Variants in KCTD8 observed in about 807,000 individuals in gnomAD.
The protein encoded by KCTD8 is potassium channel tetramerization domain containing 8.
KCTD8 carries 27 observed loss-of-function variants against 31.5 expected under a neutral mutation model. The ratio of observed to expected loss-of-function variants is 0.86; its 90% CI spans 0.63 to 1.18. The LOEUF (loss-of-function observed/expected upper bound fraction) is 1.18. KCTD8 is among the 50% of genes most tolerant of loss of function. The pLI, the probability that KCTD8 is intolerant of heterozygous loss-of-function variation, is 0.00. For synonymous variants in KCTD8, 290 were observed against 280.0 expected (o/e 1.04, Z -0.36); for missense variants, 658 against 647.7 (o/e 1.02, Z -0.17).
chr4:44,423,612 C>A (rs566105485), intron 1 of KCTD8, among the ~76,000 whole-genome samples: 1 of 151,828 alleles, frequency 6.6e-6, no homozygotes, highest in East Asian at 1.9e-4. Context: ...AAAAGCAAAC[C>A]CAGAATTCTA....
At chr4:44,411,577 T>C (rs1720958157) in intron 1 of KCTD8, among the ~76,000 whole-genome samples, 1 of 152,162 alleles carries the variant, frequency 6.6e-6, no homozygotes, top group Admixed American at 6.6e-5. Context: ...TGAAGAATTT[T>C]GTCTCCCCAA....
rs913085406 is a variant in KCTD8, at chr4:44,265,208, G to A, written c.962-89958C>T. Among the ~76,000 whole-genome samples the A allele has an allele frequency of 2.0e-5, 3 of 152,116 alleles. 1 individual carries two copies. The highest frequency in any genetic ancestry group is 2.9e-5 in the Non-Finnish European group (2 of 68,022). Reference sequence around the variant, plus strand: ...TCTGAGACAAAACTTCCAGAGGAACGATCAGACAGCAGCATTCACGGTTCA... The same window carrying A: ...TCTGAGACAAAACTTCCAGAGGAACAATCAGACAGCAGCATTCACGGTTCA... On this transcript the variant is annotated intron_variant, in intron 1 of 1. Coordinates refer to ENST00000360029, the MANE Select transcript of KCTD8 (RefSeq NM_198353.3).
At chr4:44,260,434 A>G (rs1716128902) in intron 1 of KCTD8, among the ~76,000 whole-genome samples, 1 of 152,004 alleles carries the variant, frequency 6.6e-6, no homozygotes, top group Non-Finnish European at 1.5e-5. Context: ...ACAAAAGTAT[A>G]TAAAATATAA....
At chr4:44,336,791 A>G (rs1028461001) in intron 1 of KCTD8, among the ~76,000 whole-genome samples, 13 of 152,116 alleles carry the variant, frequency 8.5e-5, no homozygotes, top group African/African-American at 3.1e-4. Flanking sequence ...TGATATCTAC[A>G]TACCTTTATT....
rs554568971 is a variant in KCTD8, at chr4:44,181,360, C to T, written c.962-6110G>A. Among the ~76,000 whole-genome samples, 7 of 152,316 alleles carry T rather than the reference C, an allele frequency of 4.6e-5. No homozygotes were observed. The East Asian group carries it at 1.4e-3, about 30-fold the overall frequency. On this transcript the variant is annotated intron_variant, in intron 1 of 1. Coordinates refer to ENST00000360029, the MANE Select transcript of KCTD8 (RefSeq NM_198353.3). ...CAACCTCCCTGCCTGGTTCTCCTGC[C>T]TCAGCCTGCCGAGTGCCTGCGATTG...
Position 44,174,736 on chromosome 4 carries a change from G to T in KCTD8, c.*54C>A. On this transcript the variant is annotated 3_prime_UTR_variant, in exon 2 of 2. Coordinates refer to ENST00000360029, the MANE Select transcript of KCTD8 (RefSeq NM_198353.3). ...ATTGTTAGGACATCAGTCAGGTGGT[G>T]ACACTGTAGTAAACATTGAATGTCA... 1 of 1,338,908 alleles carries T rather than the reference G, an allele frequency of 7.5e-7. No homozygotes were observed. The highest frequency in any genetic ancestry group is 1.4e-5 in the South Asian group (1 of 73,298). 82.9% of individuals were successfully genotyped at this position (1,338,908 alleles called of 1,614,324 possible). A position where few individuals can be genotyped will look rare whatever the true frequency, so the allele number is the denominator to read the frequency against.
At chr4:44,366,886 G>A (rs979943166) in intron 1 of KCTD8, among the ~76,000 whole-genome samples, 4 of 152,094 alleles carry the variant, frequency 2.6e-5, no homozygotes, top group African/African-American at 9.7e-5. Context: ...ATTTTGTCAT[G>A]CTGTATGTGT....
intron 1 of KCTD8, among the ~76,000 whole-genome samples, chr4:44,435,908 C>T (rs1721632710): frequency 6.6e-6 from 1 of 152,038 alleles, no homozygotes; most frequent in Non-Finnish European, 1.5e-5. Context: ...TAAGCATTTG[C>T]CCTGCCTTTC....
chr4:44,253,426 A>G (rs991765019), intron 1 of KCTD8, among the ~76,000 whole-genome samples: 12 of 151,836 alleles, frequency 7.9e-5, no homozygotes, highest in African/African-American at 2.9e-4. Flanking sequence ...TCTTGTGGCT[A>G]TCTCACTGAT....
intron 1 of KCTD8, among the ~76,000 whole-genome samples, chr4:44,193,623 T>C (rs1303928623): frequency 1.3e-5 from 2 of 152,154 alleles, no homozygotes; most frequent in Non-Finnish European, 2.9e-5. Context: ...ATTATTTTAT[T>C]TTACATCTAG....
At chr4:44,203,243 C>A (rs552356612) in intron 1 of KCTD8, among the ~76,000 whole-genome samples, 1 of 152,148 alleles carries the variant, frequency 6.6e-6, no homozygotes, top group African/African-American at 2.4e-5. Flanking sequence ...TGGCTCACAC[C>A]TATAATCCCA....
chr4:44,434,971 C>T (rs1721607166), intron 1 of KCTD8, among the ~76,000 whole-genome samples: 1 of 114,880 alleles, frequency 8.7e-6, no homozygotes, highest in Admixed American at 9.9e-5. Context: ...CTCTATCTAC[C>T]CTATATCTTG....
intron 1 of KCTD8, among the ~76,000 whole-genome samples, chr4:44,189,283 T>A (rs1240267613): frequency 3.3e-5 from 5 of 152,196 alleles, no homozygotes; most frequent in Non-Finnish European, 7.4e-5. Context: ...AATACTGCCA[T>A]TCACTAAATC....
intron 1 of KCTD8, among the ~76,000 whole-genome samples, chr4:44,196,399 G>A (rs1343291177): frequency 1.3e-5 from 2 of 152,172 alleles, no homozygotes; most frequent in East Asian, 3.9e-4. Context: ...AATACAAATT[G>A]TGTAATTTTG....
Position 44,174,628 on chromosome 4 carries a change from G to T in KCTD8, c.*162C>A. 2.0e-6 allele frequency: 1 copy of T among 503,904 alleles called. No individual in the cohort carries two copies. The highest frequency in any genetic ancestry group is 4.9e-5 in the South Asian group (1 of 20,576). 31.2% of individuals were successfully genotyped at this position (503,904 alleles called of 1,614,324 possible). A position where few individuals can be genotyped will look rare whatever the true frequency, so the allele number is the denominator to read the frequency against. ...TCCTTTTTAATCATGTTTCTAAAAAGAACAACAACTAAAACATAAAAGAAA... is the reference window on the plus strand; with the variant it reads ...TCCTTTTTAATCATGTTTCTAAAAATAACAACAACTAAAACATAAAAGAAA... On this transcript the variant is annotated 3_prime_UTR_variant, in exon 2 of 2. Coordinates refer to ENST00000360029, the MANE Select transcript of KCTD8 (RefSeq NM_198353.3).
intron 1 of KCTD8, among the ~76,000 whole-genome samples, chr4:44,197,873 C>T (rs1273717517): frequency 6.6e-6 from 1 of 152,152 alleles, no homozygotes; most frequent in Non-Finnish European, 1.5e-5. Flanking sequence ...AAGCTCATCA[C>T]AAGCCAGGAG....
intron 1 of KCTD8, among the ~76,000 whole-genome samples, chr4:44,410,974 G>T (rs1416797945): frequency 6.6e-6 from 1 of 152,098 alleles, no homozygotes; most frequent in Non-Finnish European, 1.5e-5. Flanking sequence ...TATCAAACAT[G>T]TTTGAGGAAC....
intron 1 of KCTD8, among the ~76,000 whole-genome samples, chr4:44,295,409 C>T (rs542616278): frequency 3.9e-5 from 6 of 152,152 alleles, no homozygotes; most frequent in Non-Finnish European, 7.4e-5. Flanking sequence ...CTTAATAGCT[C>T]TTAAATCTAA....
intron 1 of KCTD8, among the ~76,000 whole-genome samples, chr4:44,314,564 C>T (rs1345102158): frequency 1.3e-5 from 2 of 152,004 alleles, no homozygotes; most frequent in Admixed American, 1.3e-4. Context: ...GTTTCCTCTG[C>T]CTGACACAAT....
Sources: gnomAD v4.1 joint callset for allele counts (sites outside exome capture counted in the v4.1 genomes callset) on GRCh38, gnomAD v4.1.1 for gene constraint, MANE v1.5 for transcripts, NCBI Gene and HGNC (gene_info 2026-07-23, HGNC 2026-07-21) for gene names.